Variants in CLUH observed in about 807,000 individuals in gnomAD.
The protein encoded by CLUH is CLUH binding protein of NUMT mRNA.
In CLUH, 77 loss-of-function variants were observed where a neutral mutation model predicts 139.3. The ratio of observed to expected loss-of-function variants is 0.55; its 90% confidence interval spans 0.46 to 0.67. The LOEUF is 0.67. Ranked by LOEUF, CLUH falls within the 30% of genes least tolerant of loss-of-function variation. The probability of loss-of-function intolerance (pLI) is 0.00; values close to 1 mark genes in which losing one functional copy is unlikely to be tolerated. For synonymous variants in CLUH, 999 were observed against 801.6 expected (o/e 1.25, Z -4.16); for missense variants, 1,876 against 1,875.8 (o/e 1.00, Z 0.00).
At position 2,692,704 on chromosome 17, in the gene CLUH, C is replaced by G. The variant is rs770395258; in HGVS notation, c.3313-8G>C. The G allele has an allele frequency of 3.7e-6, 6 of 1,609,204 alleles. No individual in the cohort carries two copies. The East Asian group carries it at 8.9e-5, about 24-fold the overall frequency. ...GTACAGGGCCAGGTGCATCTGCGGG[C>G]GGGGCGGAGACAGGTCAGGGTGGCC... is the stretch of plus-strand genomic sequence containing the variant. On this transcript the variant is annotated splice_region_variant and splice_polypyrimidine_tract_variant and intron_variant, in intron 20 of 25. Coordinates refer to ENST00000651024, the MANE Select transcript of CLUH (RefSeq NM_001366661.1).
Position 2,696,538 on chromosome 17 carries a change from G to C in CLUH, c.2186C>G (p.Ala729Gly). Residue 729 changes from alanine to glycine, a missense_variant and splice_region_variant, in exon 12 of 26, where the codon GCA becomes GGA. Physicochemically the swap from Ala to Gly is moderately conservative, Grantham distance 60. Transcript: ENST00000651024. ...GATCACCTCCCGGCTCCGAGGGTCT[G>C]CTGTGGAGACATGGCTCCATGAGAC... ...AETIAADDGT[A>G]DPRSREVIRN... 2 of 1,565,964 alleles carry C rather than the reference G, an allele frequency of 1.3e-6. No individual in the cohort carries two copies. Among genetic ancestry groups the C allele is most frequent in the Non-Finnish European group, 1.7e-6 (2 of 1,159,848 alleles).
chr17:2,705,622 A>C (rs1280048970), intron 1 of CLUH, among the ~76,000 whole-genome samples: 1 of 152,172 alleles, frequency 6.6e-6, no homozygotes, highest in Non-Finnish European at 1.5e-5. Flanking sequence ...CCTTAATGGC[A>C]GAATCACACT....
rs368912384 is a variant in CLUH, at chr17:2,691,677, C to T, written c.3795G>A (p.Thr1265=). The T allele has an allele frequency of 5.6e-5, 90 of 1,611,538 alleles. No homozygotes were observed. In the Middle Eastern group the frequency reaches 1.0e-3, roughly 18 times the overall value. Residue 1265 remains threonine, a synonymous_variant, in exon 25 of 26, where the codon ACG becomes ACA. Coordinates refer to ENST00000651024, the MANE Select transcript of CLUH (RefSeq NM_001366661.1). ...CCAAGACGCTGGCCATGCTGGGGGCCGTGAACTGCGGGGCGGGGAAACCAG... is the reference window on the plus strand; with the variant it reads ...CCAAGACGCTGGCCATGCTGGGGGCTGTGAACTGCGGGGCGGGGAAACCAG... ...SSANIPPLKF[T]APSMASVLEQ... is the part of the protein sequence containing the mutation.
chr17:2,691,716 TC>T (rs1162760583), intron 24 of CLUH, 34 bp from the exon 25 acceptor site: 4 of 1,605,568 alleles, frequency 2.5e-6, no homozygotes, highest in African/African-American at 2.7e-5. Flanking sequence ...TGAGCGGGGC[TC>T]CCGCGCTCGC....
At position 2,698,338 on chromosome 17, in the gene CLUH, T is replaced by G; in HGVS notation, c.1519A>C (p.Thr507Pro). 6.2e-7 allele frequency: 1 copy of G among 1,613,122 alleles called. No homozygotes were observed. The highest frequency in any genetic ancestry group is 8.5e-7 in the Non-Finnish European group (1 of 1,179,750). Residue 507 changes from threonine to proline, a missense_variant, in exon 10 of 26, where the codon ACG (threonine) becomes CCG (proline). Thr to Pro is a conservative substitution (Grantham distance 38). Around this residue, in one of 3 missense-constraint regions of CLUH, gnomAD observed 1,454 missense variants for 1,384.4 expected, o/e 1.05. Coordinates refer to ENST00000651024, the MANE Select transcript of CLUH (RefSeq NM_001366661.1). ...YNAVDVEGLY[T>P]LGTVVVDYRG... ...TAATCCACCACCACCGTGCCCAGCG[T>G]GTACAGCCCCTCCACGTCCACCGCG... is the stretch of plus-strand genomic sequence containing the variant.
At chr17:2,710,096 G>A (rs1397251880) in intron 1 of CLUH, among the ~76,000 whole-genome samples, 1 of 152,190 alleles carries the variant, frequency 6.6e-6, no homozygotes, top group Non-Finnish European at 1.5e-5. Context: ...CTCTGGGCCA[G>A]GCCACGGCAG....
In CLUH at chr17:2,700,692, G is replaced by C. The variant is rs1463166552; in HGVS notation, c.1159C>G (p.His387Asp). Residue 387 changes from histidine (H) to aspartate (D), a missense_variant, in exon 8 of 26, where the codon CAC becomes GAC. His to Asp is a moderately conservative substitution (Grantham distance 81). Around this residue, in one of 3 missense-constraint regions of CLUH, gnomAD observed 1,454 missense variants for 1,384.4 expected, o/e 1.05. Transcript: ENST00000651024. ...AYTSRLGYEE[H>D]IPGQTRDWNE... is the part of the protein sequence containing the mutation. Reference sequence around the variant, plus strand: ...GTTGCAGGCACCTGTCCAGGAATGTGCTCCTCATAGCCCAGCCTCGAGGTG... The same window carrying C: ...GTTGCAGGCACCTGTCCAGGAATGTCCTCCTCATAGCCCAGCCTCGAGGTG... 6.6e-7 allele frequency: 1 copy of C among 1,526,610 alleles called. No individual in the cohort carries two copies. Among genetic ancestry groups the C allele is most frequent in the East Asian group, 2.3e-5 (1 of 44,218 alleles). The allele number at this position is 1,526,610 out of a possible 1,614,324, so 94.6% of individuals were successfully genotyped here. A position where few individuals can be genotyped will look rare whatever the true frequency, so the allele number is the denominator to read the frequency against.
chr17:2,697,013 C>T, intron 10 of CLUH, 71 bp from the exon 11 acceptor site: 2 of 1,259,224 alleles, frequency 1.6e-6, no homozygotes, highest in Non-Finnish European at 2.2e-6. Context: ...CCCACGGCTC[C>T]CGGCAGCTGG....
At position 2,691,948 on chromosome 17, in the gene CLUH, CCCGCCCCGCCA is replaced by C. The variant is rs2069671846; in HGVS notation, c.3654+45_3655-54del. ...CCCCCCGTGCCCCCGCGGCCCCGCC[CCCGCCCCGCCA>C]CGCCCCCGCCCCGCCCCCGCCCCCG... is the stretch of plus-strand genomic sequence containing the variant. On this transcript the variant is annotated intron_variant, in intron 23 of 25. Transcript: ENST00000651024. The C allele has an allele frequency of 8.1e-5, 95 of 1,172,154 alleles. 3 individuals carry two copies. The highest frequency in any genetic ancestry group is 5.7e-4 in the Admixed American group (16 of 28,082). The allele number at this position is 1,172,154 out of a possible 1,614,324, so 72.6% of individuals were successfully genotyped here. A position where few individuals can be genotyped will look rare whatever the true frequency, so the allele number is the denominator to read the frequency against.
At chr17:2,691,580 G>A (rs747624032) in intron 25 of CLUH, 29 bp downstream of exon 25, 300 of 1,604,132 alleles carry the variant, frequency 1.9e-4, no homozygotes, top group Middle Eastern at 1.7e-4. Context: ...CCCCAACCGG[G>A]AGACACTCGA....
At position 2,695,361 on chromosome 17, in the gene CLUH, G is replaced by T. The variant is rs138881362; in HGVS notation, c.2544+13C>A. Reference sequence around the variant, plus strand: ...CACAGCTCCCGTTCCGCCCCACCCCGGGCAGCACTCACAAAGACGTGGTCC... The same window carrying T: ...CACAGCTCCCGTTCCGCCCCACCCCTGGCAGCACTCACAAAGACGTGGTCC... On this transcript the variant is annotated intron_variant, in intron 14 of 25. Coordinates refer to ENST00000651024, the MANE Select transcript of CLUH (RefSeq NM_001366661.1). The T allele has an allele frequency of 1.2e-6, 2 of 1,613,006 alleles. No individual in the cohort carries two copies. Among genetic ancestry groups the T allele is most frequent in the Non-Finnish European group, 1.7e-6 (2 of 1,179,696 alleles).
At chr17:2,697,867 G>C (rs1374769244) in intron 10 of CLUH, 29 bp downstream of exon 10, 4 of 1,450,186 alleles carry the variant, frequency 2.8e-6, no homozygotes, top group African/African-American at 1.4e-5. Flanking sequence ...AGCTGGCCCC[G>C]GCCCTGGTCC....
Position 2,707,979 on chromosome 17 carries a change from T to A in CLUH, c.101-3415A>T, listed in dbSNP as rs921455292. On this transcript the variant is annotated intron_variant, in intron 1 of 25. Transcript: ENST00000651024. This position sits in a 1 kb window ranked among gnomAD's most constrained non-coding sequence, Gnocchi z 7.4. ...CATCAAGAAGCTGGCAGGCTCCATCTTCCCTTCCCAGCAGCCCCGGCTCTG... is the reference window on the plus strand; with the variant it reads ...CATCAAGAAGCTGGCAGGCTCCATCATCCCTTCCCAGCAGCCCCGGCTCTG... The A allele has an allele frequency of 4.6e-5, 45 of 985,334 alleles. No homozygotes were observed. Among genetic ancestry groups the A allele is most frequent in the Non-Finnish European group, 5.4e-5 (45 of 829,922 alleles). The allele number at this position is 985,334 out of a possible 1,614,324, so 61.0% of individuals were successfully genotyped here.
chr17:2,707,453 G>A lies in CLUH; in HGVS notation c.101-2889C>T. ...CGGCCAGAAGGACGGCTGTGGGCCA[G>A]GAGAACCCGGTGGCCCCAGGACCCC... On this transcript the variant is annotated intron_variant, in intron 1 of 25. Transcript: ENST00000651024. The surrounding 1 kb of genome is among the most constrained non-coding windows in gnomAD (Gnocchi z 7.4). 2.0e-6 allele frequency: 2 copies of A among 985,426 alleles called. No individual in the cohort carries two copies. The highest frequency in any genetic ancestry group is 2.4e-6 in the Non-Finnish European group (2 of 829,920). The allele number at this position is 985,426 out of a possible 1,614,324, so 61.0% of individuals were successfully genotyped here. A position where few individuals can be genotyped will look rare whatever the true frequency, so the allele number is the denominator to read the frequency against.
At chr17:2,696,674 C>A in intron 11 of CLUH, 45 bp downstream of exon 11, 1 of 1,600,802 alleles carries the variant, frequency 6.2e-7, no homozygotes, top group Non-Finnish European at 8.5e-7. Flanking sequence ...GCCACCCTGG[C>A]AGGGCCAGCC....
chr17:2,690,842 G>A (rs1195392465), intron 25 of CLUH, 65 bp from the exon 26 acceptor site: 3 of 1,304,562 alleles, frequency 2.3e-6, no homozygotes, highest in Non-Finnish European at 3.0e-6. Context: ...CCCGCCTCCC[G>A]GCTTTCCTGT....
At position 2,701,400 on chromosome 17, in the gene CLUH, T is replaced by C; in HGVS notation, c.865A>G (p.Ile289Val). ...VITAEDRQVS[I>V]TASTRGFYLN... ...TAAAAGCCCCGTGTGGACGCGGTGA[T>C]GCTGACTTGCCGGTCCTCGGCTGTG... is the stretch of plus-strand genomic sequence containing the variant. Residue 289 changes from isoleucine to valine, a missense_variant, in exon 6 of 26, where the codon ATC becomes GTC. Ile to Val is a conservative substitution (Grantham distance 29). Coordinates refer to ENST00000651024, the MANE Select transcript of CLUH (RefSeq NM_001366661.1). The C allele has an allele frequency of 6.2e-7, 1 of 1,610,938 alleles. No individual in the cohort carries two copies. Among genetic ancestry groups the C allele is most frequent in the Non-Finnish European group, 8.5e-7 (1 of 1,178,778 alleles).
At position 2,701,236 on chromosome 17, in the gene CLUH, G is replaced by A; in HGVS notation, c.929C>T (p.Pro310Leu). 6.2e-7 allele frequency: 1 copy of A among 1,613,616 alleles called. No individual in the cohort carries two copies. Among genetic ancestry groups the A allele is most frequent in the Non-Finnish European group, 8.5e-7 (1 of 1,179,768 alleles). The change falls in exon 7 of 26, where the codon CCC (proline) becomes CTC (leucine). Residue 310 changes from proline (P) to leucine (L), a missense_variant. Physicochemically the swap from Pro to Leu is moderately conservative, Grantham distance 98 (BLOSUM62 -3). Transcript: ENST00000651024. ...ATGGCTTAGGAAGCGGGGGCTGGCGGGCTTGGGGTTGAAGTGATAAGCTGT... is the reference window on the plus strand; with the variant it reads ...ATGGCTTAGGAAGCGGGGGCTGGCGAGCTTGGGGTTGAAGTGATAAGCTGT... ...QSTAYHFNPKPASPRFLSHSL... is the reference protein window; with the variant it reads ...QSTAYHFNPKLASPRFLSHSL...
chr17:2,700,828 G>A lies in CLUH; in HGVS notation c.1026-3C>T. 1 of 1,514,812 alleles carries A rather than the reference G, an allele frequency of 6.6e-7. No homozygotes were observed. The highest frequency in any genetic ancestry group is 8.8e-7 in the Non-Finnish European group (1 of 1,138,070). 93.8% of individuals were successfully genotyped at this position (1,514,812 alleles called of 1,614,324 possible). A position where few individuals can be genotyped will look rare whatever the true frequency, so the allele number is the denominator to read the frequency against. Reference sequence around the variant, plus strand: ...TCTCGAACGGGTGGCGCTGGACCCTGTGGCAGGCAGGGGAGGGGGAGATGG... The same window carrying A: ...TCTCGAACGGGTGGCGCTGGACCCTATGGCAGGCAGGGGAGGGGGAGATGG... On this transcript the variant is annotated splice_region_variant and splice_polypyrimidine_tract_variant and intron_variant, in intron 7 of 25. Transcript: ENST00000651024.
Sources: allele counts gnomAD v4.1 joint callset (sites outside exome capture counted in the v4.1 genomes callset), GRCh38; gene constraint gnomAD v4.1.1; regional missense constraint gnomAD v4.1.1; non-coding constraint Gnocchi (gnomAD v3.1); transcripts MANE v1.5; gene names NCBI Gene and HGNC (gene_info 2026-07-23, HGNC 2026-07-21).